The following TMCC1 variants were observed in gnomAD, a reference collection of about 807,000 sequenced individuals.
TMCC1 encodes the protein transmembrane and coiled-coil domain family 1, also known as transmembrane and coiled-coil domains protein 1.
In TMCC1, 15 loss-of-function variants were observed where a neutral mutation model predicts 52.4. That is an observed-to-expected ratio of 0.29 (90% CI 0.19 to 0.44). TMCC1 has a LOEUF of 0.44. Ranked by LOEUF, TMCC1 falls within the 20% of genes least tolerant of loss-of-function variation. The pLI is 1.00. For synonymous variants in TMCC1, 279 were observed against 301.9 expected, an observed-to-expected ratio of 0.92 and a Z score of 0.79; for missense variants, 503 against 806.0, an observed-to-expected ratio of 0.62 and a Z score of 4.55.
At chr3:129,886,829 C>T (rs558596620) in intron 1 of TMCC1, among the ~76,000 whole-genome samples, 17 of 151,762 alleles carry the variant, frequency 1.1e-4, no homozygotes, top group Admixed American at 2.6e-4. Context: ...CCCAGCTACT[C>T]GGGAGGCTGA....
intron 4 of TMCC1, among the ~76,000 whole-genome samples, chr3:129,701,847 C>T (rs1305177554): frequency 6.6e-6 from 1 of 152,090 alleles, no homozygotes; most frequent in Non-Finnish European, 1.5e-5. Flanking sequence ...GATGGTAGTA[C>T]CACCTCCAGA....
intron 4 of TMCC1, among the ~76,000 whole-genome samples, chr3:129,712,422 G>A (rs575090994): frequency 6.2e-4 from 94 of 152,206 alleles, no homozygotes; most frequent in South Asian, 1.9e-3. Flanking sequence ...AGTTAAAGAC[G>A]CAAGTCTCTT....
At position 129,671,196 on chromosome 3, in the gene TMCC1, G is replaced by A. The variant is rs2087905781; in HGVS notation, c.645C>T (p.Ser215=). 6.2e-7 allele frequency: 1 copy of A among 1,614,084 alleles called. No homozygotes were observed. The highest frequency in any genetic ancestry group is 8.5e-7 in the Non-Finnish European group (1 of 1,180,042). ...SSAVASSTDG[S]IHTDSVDGTP... ...TTCCATCCACAGAGTCTGTGTGGAT[G>A]CTGCCATCGGTACTGGAGGCCACTG... The change falls in exon 5 of 7, where the codon AGC becomes AGT. Residue 215 remains serine (S), a synonymous_variant. Coordinates refer to ENST00000393238, the MANE Select transcript of TMCC1 (RefSeq NM_001017395.5).
intron 4 of TMCC1, among the ~76,000 whole-genome samples, chr3:129,715,384 C>T (rs2049004227): frequency 6.6e-6 from 1 of 152,190 alleles, no homozygotes; most frequent in Admixed American, 6.5e-5. Context: ...TGGCAAAACC[C>T]TGTCTCTACT....
At chr3:129,731,894 G>A (rs976870784) in intron 4 of TMCC1, among the ~76,000 whole-genome samples, 19 of 150,950 alleles carry the variant, frequency 1.3e-4, no homozygotes, top group African/African-American at 4.4e-4. Context: ...CAAAGGTCTG[G>A]GATTACAGGT....
At chr3:129,888,812 G>A (rs992365531) in intron 1 of TMCC1, among the ~76,000 whole-genome samples, 6 of 152,148 alleles carry the variant, frequency 3.9e-5, no homozygotes, top group East Asian at 1.9e-4. Flanking sequence ...CAAGCCAGAT[G>A]AGCAGGGTTA....
chr3:129,830,421 T>G (rs938203300), intron 3 of TMCC1, among the ~76,000 whole-genome samples: 4 of 152,188 alleles, frequency 2.6e-5, no homozygotes, highest in African/African-American at 9.7e-5. Context: ...CCATTCCTCA[T>G]GAGTTTGTCT....
intron 2 of TMCC1, among the ~76,000 whole-genome samples, chr3:129,860,692 C>T (rs954418041): frequency 1.3e-5 from 2 of 152,012 alleles, no homozygotes. Context: ...CTCTGCCTCC[C>T]CTGTTCAAAG....
At chr3:129,751,090 A>T (rs1052663204) in intron 4 of TMCC1, among the ~76,000 whole-genome samples, 3 of 151,990 alleles carry the variant, frequency 2.0e-5, no homozygotes, top group African/African-American at 7.2e-5. Context: ...AGTCTCAGCT[A>T]CTCAGGAAGC....
At chr3:129,767,067 G>A (rs1041535956) in intron 4 of TMCC1, among the ~76,000 whole-genome samples, 4 of 151,872 alleles carry the variant, frequency 2.6e-5, no homozygotes, top group Admixed American at 2.6e-4. Flanking sequence ...TTCGAGAACA[G>A]ACTGCCCAAC....
chr3:129,839,439 TA>T (rs569059708), intron 2 of TMCC1, among the ~76,000 whole-genome samples: 10 of 149,104 alleles, frequency 6.7e-5, no homozygotes, highest in African/African-American at 1.2e-4. Flanking sequence ...AAAATGGAAT[TA>T]AAAAAAAAAT....
chr3:129,722,849 C>G (rs952808361), intron 4 of TMCC1, among the ~76,000 whole-genome samples: 37 of 152,140 alleles, frequency 2.4e-4, no homozygotes, highest in Non-Finnish European at 4.4e-5. Flanking sequence ...AAAGAGGGTA[C>G]AGACCAGAGG....
rs563686883 is a variant in TMCC1, at chr3:129,799,930, T to C, written c.576+27873A>G. ...AAACACATTCACTGTTATATATATA[T>C]ACACACACTCACAGCCATAAACATA... On this transcript the variant is annotated intron_variant, in intron 4 of 6. Coordinates refer to ENST00000393238, the MANE Select transcript of TMCC1 (RefSeq NM_001017395.5). Among the ~76,000 whole-genome samples, 40 of 152,294 alleles carry C rather than the reference T, an allele frequency of 2.6e-4. No homozygotes were observed. The Middle Eastern group carries it at 0.01, about 39-fold the overall frequency.
intron 2 of TMCC1, among the ~76,000 whole-genome samples, chr3:129,849,184 T>C (rs2059798217): frequency 6.6e-6 from 1 of 152,180 alleles, no homozygotes; most frequent in Non-Finnish European, 1.5e-5. Flanking sequence ...CTATATCGGC[T>C]GGGTGCAGAG....
At chr3:129,782,754 A>T (rs2055637617) in intron 4 of TMCC1, among the ~76,000 whole-genome samples, 2 of 152,274 alleles carry the variant, frequency 1.3e-5, no homozygotes, top group African/African-American at 2.4e-5. Flanking sequence ...GTGGTTGCTG[A>T]GTACCATTTG....
chr3:129,763,155 G>A lies in TMCC1; in HGVS notation c.576+64648C>T, dbSNP rs533228195. ...GGAGCTTGCAGTGAGCCGAGATCGC[G>A]CCACTGCACTCCAGCCTGGGTGACA... On this transcript the variant is annotated intron_variant, in intron 4 of 6. Coordinates refer to ENST00000393238, the MANE Select transcript of TMCC1 (RefSeq NM_001017395.5). Among the ~76,000 whole-genome samples, 22 of 146,310 alleles carry A rather than the reference G, an allele frequency of 1.5e-4. No homozygotes were observed. In the South Asian group the frequency reaches 2.2e-3, roughly 15 times the overall value.
At chr3:129,707,999 C>G (rs2048371794) in intron 4 of TMCC1, among the ~76,000 whole-genome samples, 1 of 127,298 alleles carries the variant, frequency 7.9e-6, no homozygotes, top group East Asian at 2.1e-4. Context: ...TTGTAAAGCA[C>G]TAAGGTAGAG....
intron 4 of TMCC1, among the ~76,000 whole-genome samples, chr3:129,759,708 A>G (rs1309790586): frequency 9.5e-6 from 1 of 105,406 alleles, no homozygotes; most frequent in Non-Finnish European, 1.8e-5. Context: ...CAGCCAGCCA[A>G]ACTTTTTTTT....
chr3:129,694,202 T>C (rs1274924858), intron 4 of TMCC1, among the ~76,000 whole-genome samples: 1 of 152,160 alleles, frequency 6.6e-6, no homozygotes, highest in African/African-American at 2.4e-5. Context: ...CTTAGTATAG[T>C]AAATAATAAA....
Sources: gnomAD v4.1 joint callset for allele counts (sites outside exome capture counted in the v4.1 genomes callset) on GRCh38, gnomAD v4.1.1 for gene constraint, MANE v1.5 for transcripts, NCBI Gene and HGNC (gene_info 2026-07-23, HGNC 2026-07-21) for gene names.